The following SIPA1L1 variants were observed in gnomAD, a reference collection of about 807,000 sequenced individuals.
SIPA1L1 encodes signal induced proliferation associated 1 like 1.
In SIPA1L1, 26 loss-of-function variants were observed where a neutral mutation model predicts 162.7. The ratio of observed to expected loss-of-function variants is 0.16; its 90% confidence interval spans 0.12 to 0.22. SIPA1L1 has a LOEUF of 0.22. Ranked by LOEUF, SIPA1L1 falls within the 10% of genes least tolerant of loss-of-function variation. SIPA1L1 has a pLI of 1.00. For missense variants in SIPA1L1, 1,874 were observed against 2,241.0 expected (o/e 0.84, Z 3.31); for synonymous variants, 829 against 837.4 (o/e 0.99, Z 0.17).
At position 71,735,250 on chromosome 14, in the gene SIPA1L1, C is replaced by T. The variant is rs369521047; in HGVS notation, c.5009-27C>T. 13 of 1,520,204 alleles carry T rather than the reference C, an allele frequency of 8.6e-6. No individual in the cohort carries two copies. The African/African-American group carries it at 1.6e-4, about 19-fold the overall frequency. 94.2% of individuals were successfully genotyped at this position (1,520,204 alleles called of 1,614,324 possible). ...GGGCCAGGGATGTGGTTCCAAAATA[C>T]TAAATGGTTTCTTCTCTCCTTTCCA... On this transcript the variant is annotated intron_variant, in intron 21 of 23. Coordinates refer to ENST00000381232, the MANE Select transcript of SIPA1L1 (RefSeq NM_001386936.1).
chr14:71,629,691 A>G (rs1003077057), intron 7 of SIPA1L1, among the ~76,000 whole-genome samples: 1 of 152,248 alleles, frequency 6.6e-6, no homozygotes, highest in Non-Finnish European at 1.5e-5. Flanking sequence ...GACTTTGCCT[A>G]AATGAATCTT....
At position 71,735,333 on chromosome 14, in the gene SIPA1L1, G is replaced by A; in HGVS notation, c.5065G>A (p.Ala1689Thr). Residue 1689 changes from alanine (A) to threonine (T), a missense_variant, in exon 22 of 24, where the codon GCA becomes ACA. Around this residue, in one of 5 missense-constraint regions of SIPA1L1, gnomAD observed 936 missense variants for 1,051.9 expected, o/e 0.89. Coordinates refer to ENST00000381232, the MANE Select transcript of SIPA1L1 (RefSeq NM_001386936.1). ...SDENHRPLSA[A>T]SNSDQLEDQA... ...TGAAAACCATCGCCCCTTGAGTGCT[G>A]CATCCAACAGTGATCAGCTGGAGGA... is the stretch of plus-strand genomic sequence containing the variant. 9.9e-6 allele frequency: 16 copies of A among 1,614,148 alleles called. No homozygotes were observed. Among genetic ancestry groups the A allele is most frequent in the Non-Finnish European group, 1.4e-5 (16 of 1,179,994 alleles).
chr14:71,607,617 T>G (rs2037681773), intron 5 of SIPA1L1, among the ~76,000 whole-genome samples: 1 of 152,172 alleles, frequency 6.6e-6, no homozygotes, highest in East Asian at 1.9e-4. Flanking sequence ...TGGTAAGAAG[T>G]TTCCTCAGTC....
At chr14:71,433,690 CTT>C (rs1265772136) in intron 2 of SIPA1L1, among the ~76,000 whole-genome samples, 2 of 152,112 alleles carry the variant, frequency 1.3e-5, no homozygotes, top group South Asian at 4.1e-4. Flanking sequence ...AAGACCAAAA[CTT>C]TGTCAAAATC....
At chr14:71,625,614 G>C (rs1267326763) in intron 7 of SIPA1L1, among the ~76,000 whole-genome samples, 1 of 152,206 alleles carries the variant, frequency 6.6e-6, no homozygotes, top group Non-Finnish European at 1.5e-5. Flanking sequence ...TTCTTCAAAA[G>C]ACTACTGACA....
At chr14:71,703,583 G>A (rs1597103032) in intron 15 of SIPA1L1, among the ~76,000 whole-genome samples, 1 of 152,302 alleles carries the variant, frequency 6.6e-6, no homozygotes, top group East Asian at 1.9e-4. Flanking sequence ...CAGAAAACCT[G>A]AGCATATTCT....
In SIPA1L1 at chr14:71,529,301, T is replaced by C. The variant is rs979591412; in HGVS notation, c.-361-11T>C. The C allele has an allele frequency of 6.5e-6, 4 of 617,982 alleles. No homozygotes were observed. In the African/African-American group the frequency reaches 7.4e-5, roughly 11 times the overall value. 38.3% of individuals were successfully genotyped at this position (617,982 alleles called of 1,614,324 possible). A position where few individuals can be genotyped will look rare whatever the true frequency, so the allele number is the denominator to read the frequency against. ...GCACTTAACCAGGTTTTTTTTCTAA[T>C]TTTATTTCAGGTTATACCTTATTGG... On this transcript the variant is annotated splice_polypyrimidine_tract_variant and intron_variant, in intron 3 of 23. Coordinates refer to ENST00000381232, the MANE Select transcript of SIPA1L1 (RefSeq NM_001386936.1).
intron 12 of SIPA1L1, 96 bp from the exon 13 acceptor site, chr14:71,685,266 G>A (rs2046187495): frequency 3.0e-6 from 4 of 1,328,216 alleles, no homozygotes; most frequent in East Asian, 2.3e-5. Flanking sequence ...GTGAAATTGT[G>A]GATCCATTTT....
At chr14:71,616,024 C>CA (rs990510035) in intron 5 of SIPA1L1, among the ~76,000 whole-genome samples, 110 of 151,766 alleles carry the variant, frequency 7.2e-4, no homozygotes, top group African/African-American at 2.6e-3. Flanking sequence ...ACAACAAAAC[C>CA]AAAAAAAGGT....
intron 4 of SIPA1L1, among the ~76,000 whole-genome samples, chr14:71,566,843 A>G (rs1393945467): frequency 6.6e-6 from 1 of 152,206 alleles, no homozygotes. Context: ...TTTCAAATAC[A>G]GATATATAAA....
intron 3 of SIPA1L1, among the ~76,000 whole-genome samples, chr14:71,522,904 G>A (rs2052502490): frequency 6.6e-6 from 1 of 152,066 alleles, no homozygotes; most frequent in Non-Finnish European, 1.5e-5. Context: ...TGTTGGCCAG[G>A]CTAGGTGATC....
chr14:71,346,688 A>C (rs929603357), intron 2 of SIPA1L1, among the ~76,000 whole-genome samples: 29 of 152,256 alleles, frequency 1.9e-4, no homozygotes, highest in African/African-American at 6.8e-4. Context: ...GATTTTAAAA[A>C]AGATTATTGA....
chr14:71,391,352 G>C (rs898275634), intron 2 of SIPA1L1, among the ~76,000 whole-genome samples: 2 of 152,096 alleles, frequency 1.3e-5, no homozygotes, highest in Non-Finnish European at 1.5e-5. Flanking sequence ...TGATCCGCCC[G>C]CCTTGGCCTC....
chr14:71,560,708 G>A (rs6574014), intron 4 of SIPA1L1, among the ~76,000 whole-genome samples: 61,196 of 152,068 alleles, frequency 0.4, 12,820 homozygotes, highest in Admixed American at 0.49. Context: ...TTGAGAATCT[G>A]TTGTTAGTAA....
intron 2 of SIPA1L1, among the ~76,000 whole-genome samples, chr14:71,468,005 G>GGTGTGTGT (rs56265408): frequency 2.1e-3 from 301 of 141,692 alleles, no homozygotes; most frequent in Non-Finnish European, 2.7e-3. Context: ...CAGTTAGAGG[G>GGTGTGTGT]GTGTGTGTGT....
Position 71,702,406 on chromosome 14 carries a change from G to A in SIPA1L1, c.3547G>A (p.Ala1183Thr). Residue 1183 changes from alanine (A) to threonine (T), a missense_variant, in exon 15 of 24, where the codon GCC (alanine) becomes ACC (threonine). Around this residue, in one of 5 missense-constraint regions of SIPA1L1, gnomAD observed 936 missense variants for 1,051.9 expected, o/e 0.89. Transcript: ENST00000381232. ...GTTTGGAGTGAGCCGTAGATCCCCA[G>A]CCTCCATTGACAGGCAGAACACCCA... is the stretch of plus-strand genomic sequence containing the variant. The part of the protein sequence containing the change: ...EGFGVSRRSP[A>T]SIDRQNTQSD... The A allele has an allele frequency of 6.2e-7, 1 of 1,614,110 alleles. No homozygotes were observed. The highest frequency in any genetic ancestry group is 8.5e-7 in the Non-Finnish European group (1 of 1,179,978).
chr14:71,563,890 TCATACAGAAAGTGG>T lies in SIPA1L1; in HGVS notation c.-302-23667_-302-23654del, dbSNP rs1416502936. Among the ~76,000 whole-genome samples, 3 of 152,208 alleles carry T rather than the reference TCATACAGAAAGTGG, an allele frequency of 2.0e-5. 1 individual carries two copies. The highest frequency in any genetic ancestry group is 1.9e-4 in the East Asian group (1 of 5,194). On this transcript the variant is annotated intron_variant, in intron 4 of 23. Transcript: ENST00000381232. ...TTATACTGCAGTGTGCTTTCCACAG[TCATACAGAAAGTGG>T]CATACAGAAAGTGCTCAGTAGATAT...
intron 4 of SIPA1L1, among the ~76,000 whole-genome samples, chr14:71,578,827 C>G (rs8008605): frequency 0.84 from 127,200 of 152,274 alleles, 53,718 homozygotes; most frequent in African/African-American, 0.95. Context: ...AGCACTTTTA[C>G]CATCACTAGT....
chr14:71,559,886 G>A (rs2056647369), intron 4 of SIPA1L1, among the ~76,000 whole-genome samples: 1 of 151,790 alleles, frequency 6.6e-6, no homozygotes, highest in Non-Finnish European at 1.5e-5. Flanking sequence ...GACTTGACAT[G>A]GAAAACTTGT....
Sources: allele counts gnomAD v4.1 joint callset (sites outside exome capture counted in the v4.1 genomes callset), GRCh38; gene constraint gnomAD v4.1.1; regional missense constraint gnomAD v4.1.1; transcripts MANE v1.5; gene names NCBI Gene and HGNC (gene_info 2026-07-23, HGNC 2026-07-21).